Variants in CEP85L observed in about 807,000 individuals in gnomAD.
CEP85L encodes the protein centrosomal protein 85L.
A neutral mutation model predicts 100.3 loss-of-function variants in CEP85L; 60 were observed. The observed-to-expected ratio is 0.60, with a 90% CI of 0.49 to 0.74. The LOEUF is 0.74. Among genes scored for constraint, CEP85L ranks in the 30% least tolerant of loss-of-function variants. The pLI is 0.00. For synonymous variants in CEP85L, 319 were observed against 322.7 expected (o/e 0.99, Z 0.12); for missense variants, 973 against 936.2 (o/e 1.04, Z -0.51).
chr6:118,554,839 G>A (rs1381832514), intron 3 of CEP85L, among the ~76,000 whole-genome samples: 1 of 152,124 alleles, frequency 6.6e-6, no homozygotes, highest in Admixed American at 6.5e-5. Flanking sequence ...AGAACAACAT[G>A]TGCAAAGAAC....
intron 2 of CEP85L, among the ~76,000 whole-genome samples, chr6:118,605,783 C>A (rs371907211): frequency 8.5e-5 from 13 of 152,166 alleles, no homozygotes; most frequent in East Asian, 3.9e-4. Flanking sequence ...GAGGCCGAGG[C>A]GGGCAGATCA....
intron 10 of CEP85L, among the ~76,000 whole-genome samples, chr6:118,475,154 T>C (rs371410496): frequency 5.9e-5 from 9 of 152,224 alleles, no homozygotes; most frequent in East Asian, 3.9e-4. Flanking sequence ...TTTATAGAGA[T>C]AGCAGGTAGA....
chr6:118,686,481 T>C (rs1776837157), intron 1 of CEP85L, among the ~76,000 whole-genome samples: 1 of 152,242 alleles, frequency 6.6e-6, no homozygotes, highest in Non-Finnish European at 1.5e-5. Flanking sequence ...ATGTGTGGTC[T>C]TCTGTGTCTG....
chr6:118,501,871 C>T, intron 5 of CEP85L: 2 of 1,287,784 alleles, frequency 1.6e-6, no homozygotes, highest in Admixed American at 4.1e-5. Context: ...TCAAGAGTCC[C>T]AGCAAAGAAA....
intron 2 of CEP85L, among the ~76,000 whole-genome samples, chr6:118,572,832 C>T (rs761977190): frequency 7.2e-5 from 11 of 151,974 alleles, no homozygotes; most frequent in African/African-American, 1.9e-4. Flanking sequence ...GAGGCCGAGG[C>T]GGGCAGATCA....
At chr6:118,695,248 T>C (rs1190256844) in intron 1 of CEP85L, among the ~76,000 whole-genome samples, 1 of 152,206 alleles carries the variant, frequency 6.6e-6, no homozygotes, top group African/African-American at 2.4e-5. Context: ...CTTTTTGAGG[T>C]ACTAAAACCT....
chr6:118,559,951 T>C (rs1263166001), intron 3 of CEP85L: 1 of 167,096 alleles, frequency 6.0e-6, no homozygotes, highest in Non-Finnish European at 1.5e-5. Flanking sequence ...TACCATACTA[T>C]ATCTTTGGAA....
At chr6:118,598,519 A>T (rs1257163462) in intron 2 of CEP85L, among the ~76,000 whole-genome samples, 2 of 152,200 alleles carry the variant, frequency 1.3e-5, no homozygotes, top group Non-Finnish European at 1.5e-5. Context: ...GAGAAAAGAT[A>T]TGAAGACAGA....
chr6:118,466,278 T>C (rs1319670195), intron 12 of CEP85L, among the ~76,000 whole-genome samples: 1 of 152,230 alleles, frequency 6.6e-6, no homozygotes, highest in Non-Finnish European at 1.5e-5. Context: ...TCCTTATACC[T>C]TCATAGTAGT....
At position 118,542,900 on chromosome 6, in the gene CEP85L, C is replaced by CAAAAAAAAAAAAAAAAAAAA. The variant is rs71012391; in HGVS notation, c.1021-19000_1021-18981dup. ...GAACTTCAACATCACCAAGTTTTCC[C>CAAAAAAAAAAAAAAAAAAAA]AAAAAAAAAAAAAAAAAAAAAAACA... is the stretch of plus-strand genomic sequence containing the variant. On this transcript the variant is annotated intron_variant, in intron 3 of 12. Transcript: ENST00000368491. Among the ~76,000 whole-genome samples the CAAAAAAAAAAAAAAAAAAAA allele has an allele frequency of 1.0e-3, 70 of 67,138 alleles. 5 individuals carry two copies. The highest frequency in any genetic ancestry group is 2.7e-3 in the South Asian group (4 of 1,508). 44.0% of individuals were successfully genotyped at this position (67,138 alleles called of 152,430 possible).
intron 6 of CEP85L, among the ~76,000 whole-genome samples, chr6:118,487,220 C>A (rs916596283): frequency 6.6e-6 from 1 of 152,122 alleles, no homozygotes; most frequent in African/African-American, 2.4e-5. Context: ...GATCCTGATA[C>A]CAGAAACAAA....
intron 11 of CEP85L, among the ~76,000 whole-genome samples, chr6:118,469,620 T>C (rs1772790144): frequency 6.6e-6 from 1 of 152,124 alleles, no homozygotes; most frequent in Non-Finnish European, 1.5e-5. Context: ...TTTTTCTTTT[T>C]TGGGCCTCAA....
rs567144556 is a variant in CEP85L at position 118,671,763 on chromosome 6, C to A, written c.-27-18955G>T. 2.6e-5 allele frequency among the ~76,000 whole-genome samples: 4 copies of A among 152,180 alleles called. No homozygotes were observed. The South Asian group carries it at 6.2e-4, about 24-fold the overall frequency. On this transcript the variant is annotated intron_variant, in intron 1 of 13. Transcript: ENST00000368488. ...CACCAGCCTGGCCAACATGGTGAAA[C>A]CCCGTCTCTACTAAAAATACAAAAA...
At chr6:118,514,397 T>C (rs906674658) in intron 4 of CEP85L, among the ~76,000 whole-genome samples, 1 of 151,834 alleles carries the variant, frequency 6.6e-6, no homozygotes, top group African/African-American at 2.4e-5. Flanking sequence ...TGGTGATGCA[T>C]GCCTGTAGTC....
intron 1 of CEP85L, among the ~76,000 whole-genome samples, chr6:118,670,219 C>G (rs1583244316): frequency 7.5e-6 from 1 of 134,154 alleles, no homozygotes; most frequent in South Asian, 2.4e-4. Context: ...CAAGCAGAGG[C>G]TTTTTTTTTT....
At chr6:118,697,326 AG>A (rs1486860157) in intron 1 of CEP85L, among the ~76,000 whole-genome samples, 6 of 152,242 alleles carry the variant, frequency 3.9e-5, no homozygotes, top group African/African-American at 1.4e-4. Flanking sequence ...TCCCATTTTG[AG>A]ACCCATCCAG....
intron 2 of CEP85L, among the ~76,000 whole-genome samples, chr6:118,604,055 A>G (rs1772007974): frequency 6.6e-6 from 1 of 152,242 alleles, no homozygotes; most frequent in Admixed American, 6.5e-5. Flanking sequence ...ATTTATGCAA[A>G]TATAGTACAA....
At chr6:118,503,430 A>T (rs888369577) in intron 5 of CEP85L, among the ~76,000 whole-genome samples, 1 of 152,186 alleles carries the variant, frequency 6.6e-6, no homozygotes, top group Non-Finnish European at 1.5e-5. Flanking sequence ...AGTAGATTCA[A>T]TGAACTGATT....
At position 118,465,518 on chromosome 6, in the gene CEP85L, G is replaced by C; in HGVS notation, c.2305C>G (p.Leu769Val). Reference protein sequence around the residue: ...ETENDHSTETLTKKLSDVCQL... With the variant: ...ETENDHSTETVTKKLSDVCQL... ...CACACATCTGACAGCTTTTTAGTGAGTGTTTCTGTGCTGTGGTCATTCTCA... is the reference window on the plus strand; with the variant it reads ...CACACATCTGACAGCTTTTTAGTGACTGTTTCTGTGCTGTGGTCATTCTCA... The change falls in exon 13 of 13, where the codon CTC becomes GTC. Residue 769 changes from leucine (L) to valine (V), a missense_variant. Physicochemically the swap from Leu to Val is conservative, Grantham distance 32 (BLOSUM62 1). Around this residue, in one of 3 missense-constraint regions of CEP85L, gnomAD observed 890 missense variants for 844.5 expected, o/e 1.05. Transcript: ENST00000368491. 6.2e-7 allele frequency: 1 copy of C among 1,613,600 alleles called. No individual in the cohort carries two copies. Among genetic ancestry groups the C allele is most frequent in the South Asian group, 1.1e-5 (1 of 91,066 alleles).
Sources: gnomAD v4.1 joint callset for allele counts (sites outside exome capture counted in the v4.1 genomes callset) on GRCh38, gnomAD v4.1.1 for gene constraint, gnomAD v4.1.1 regional missense constraint, MANE v1.5 for transcripts, NCBI Gene and HGNC (gene_info 2026-07-23, HGNC 2026-07-21) for gene names.